FRAS1: variants seen among roughly 807,000 people sequenced by gnomAD.
The protein encoded by FRAS1 is extracellular matrix organizing protein FRAS1.
Under a neutral mutation model 435.2 loss-of-function variants are expected in FRAS1, and 290 were observed. The observed-to-expected ratio is 0.67, with a 90% CI of 0.61 to 0.73. The LOEUF is 0.73. Among genes scored for constraint, FRAS1 ranks in the 30% least tolerant of loss-of-function variants. FRAS1 has a pLI of 0.00. For synonymous variants in FRAS1, 1,800 were observed against 1,851.0 expected, an observed-to-expected ratio of 0.97 and a Z score of 0.71; for missense variants, 4,860 against 5,001.5, an observed-to-expected ratio of 0.97 and a Z score of 0.85.
chr4:78,331,393 G>A (rs1309059296), intron 18 of FRAS1, among the ~76,000 whole-genome samples: 1 of 152,148 alleles, frequency 6.6e-6, no homozygotes, highest in Admixed American at 6.5e-5. Context: ...GCTATGAGTG[G>A]GGCAGGGTGC....
intron 2 of FRAS1, among the ~76,000 whole-genome samples, chr4:78,072,379 G>T (rs1366020766): frequency 6.6e-6 from 1 of 152,168 alleles, no homozygotes; most frequent in African/African-American, 2.4e-5. Context: ...AAATGTCTCA[G>T]AACTGCTTTG....
chr4:78,354,550 C>G (rs1730774847), intron 20 of FRAS1, among the ~76,000 whole-genome samples: 1 of 152,140 alleles, frequency 6.6e-6, no homozygotes, highest in South Asian at 2.1e-4. Flanking sequence ...AGAAACCCAT[C>G]AATTTTAAAA....
chr4:78,288,236 GA>G (rs1727707221), intron 14 of FRAS1, among the ~76,000 whole-genome samples: 1 of 152,178 alleles, frequency 6.6e-6, no homozygotes, highest in Non-Finnish European at 1.5e-5. Flanking sequence ...GTAAACTGCT[GA>G]AATTTTAATT....
intron 2 of FRAS1, among the ~76,000 whole-genome samples, chr4:78,128,434 T>A (rs1039730465): frequency 8.5e-5 from 13 of 152,236 alleles, no homozygotes; most frequent in Non-Finnish European, 1.8e-4. Flanking sequence ...GACTTTTTAA[T>A]GATCGCCATT....
chr4:78,059,503 C>A (rs1399910383), intron 1 of FRAS1, among the ~76,000 whole-genome samples: 1 of 134,394 alleles, frequency 7.4e-6, no homozygotes, highest in Non-Finnish European at 1.6e-5. Flanking sequence ...TGGGCGCGTA[C>A]TTTGGAAAAA....
intron 29 of FRAS1, among the ~76,000 whole-genome samples, chr4:78,398,233 G>A (rs185126009): frequency 8.5e-5 from 13 of 152,202 alleles, no homozygotes; most frequent in Admixed American, 7.2e-4. Context: ...ATTCTAAAAG[G>A]CTCAGCTGTG....
intron 64 of FRAS1, 97 bp from the exon 65 acceptor site, chr4:78,513,295 C>A: frequency 8.1e-7 from 1 of 1,241,474 alleles, no homozygotes; most frequent in Non-Finnish European, 1.2e-6. Context: ...AATGGTAGCT[C>A]ATTGGTGAAG....
At chr4:78,342,962 C>G (rs1479527181) in intron 20 of FRAS1, among the ~76,000 whole-genome samples, 2 of 151,930 alleles carry the variant, frequency 1.3e-5, no homozygotes, top group Admixed American at 6.5e-5. Flanking sequence ...AGAATGTGAG[C>G]AAAAGAAGAC....
chr4:78,087,921 A>T (rs957202561), intron 2 of FRAS1, among the ~76,000 whole-genome samples: 1 of 152,194 alleles, frequency 6.6e-6, no homozygotes, highest in African/African-American at 2.4e-5. Context: ...ATTGGAAAAA[A>T]CTACTTTAAA....
intron 5 of FRAS1, among the ~76,000 whole-genome samples, chr4:78,253,305 A>G (rs1725634701): frequency 6.6e-6 from 1 of 152,156 alleles, no homozygotes; most frequent in African/African-American, 2.4e-5. Context: ...TTATTCCCTG[A>G]AAATTGCTTA....
intron 2 of FRAS1, among the ~76,000 whole-genome samples, chr4:78,204,659 C>T (rs181701410): frequency 6.6e-6 from 1 of 152,206 alleles, no homozygotes; most frequent in East Asian, 1.9e-4. Context: ...CGATTTTTTC[C>T]TCCTTTTCAT....
At chr4:78,437,673 A>T (rs1734484563) in intron 38 of FRAS1, among the ~76,000 whole-genome samples, 2 of 152,222 alleles carry the variant, frequency 1.3e-5, no homozygotes, top group African/African-American at 4.8e-5. Flanking sequence ...ACAACATAGC[A>T]TGAAAATTTG....
intron 61 of FRAS1, among the ~76,000 whole-genome samples, chr4:78,503,636 C>G (rs1251233756): frequency 1.3e-5 from 2 of 152,092 alleles, no homozygotes; most frequent in East Asian, 1.9e-4. Context: ...AGTGGTCAAT[C>G]AATTTTGTTG....
chr4:78,452,423 T>A, intron 47 of FRAS1, 69 bp downstream of exon 47: 1 of 1,123,004 alleles, frequency 8.9e-7, no homozygotes, highest in Non-Finnish European at 1.3e-6. Context: ...GGCAGCCACA[T>A]CATGTATCAT....
intron 2 of FRAS1, among the ~76,000 whole-genome samples, chr4:78,114,611 A>T (rs1362445962): frequency 1.3e-5 from 2 of 151,682 alleles, no homozygotes; most frequent in Admixed American, 1.3e-4. Flanking sequence ...GGGTTCACTC[A>T]TGATTTGGCT....
intron 2 of FRAS1, among the ~76,000 whole-genome samples, chr4:78,236,331 T>A (rs540607063): frequency 8.5e-5 from 13 of 152,242 alleles, no homozygotes; most frequent in South Asian, 4.1e-4. Flanking sequence ...GAGGTTTTTT[T>A]AAAATTTTTT....
At chr4:78,077,390 A>C (rs187300651) in intron 2 of FRAS1, among the ~76,000 whole-genome samples, 16 of 152,214 alleles carry the variant, frequency 1.1e-4, no homozygotes, top group African/African-American at 3.9e-4. Context: ...ACTAAAACCA[A>C]ACAACTAAGA....
chr4:78,371,405 C>T (rs183485712), intron 23 of FRAS1, among the ~76,000 whole-genome samples: 274 of 152,066 alleles, frequency 1.8e-3, no homozygotes, highest in Admixed American at 2.9e-3. Context: ...AAGGTGAGAT[C>T]GAGGGTGGCC....
At chr4:78,261,128 AAGTTTATATCT>A (rs1406553331) in intron 6 of FRAS1, among the ~76,000 whole-genome samples, 1 of 151,860 alleles carries the variant, frequency 6.6e-6, no homozygotes, top group Non-Finnish European at 1.5e-5. Flanking sequence ...AGATTTTCTT[AAGTTTATATCT>A]AGTATCTCTA....
Sources: gnomAD v4.1 joint callset for allele counts (sites outside exome capture counted in the v4.1 genomes callset) on GRCh38, gnomAD v4.1.1 for gene constraint, MANE v1.5 for transcripts, NCBI Gene and HGNC (gene_info 2026-07-23, HGNC 2026-07-21) for gene names.